The following GJD3 variants were observed in gnomAD, a reference collection of about 807,000 sequenced individuals.
GJD3 encodes gap junction protein delta 3, also known as gap junction delta-3 protein.
For missense variants in GJD3, 421 were observed against 448.5 expected (o/e 0.94, Z 0.55); for synonymous variants, 217 against 226.7 (o/e 0.96, Z 0.38).
Position 40,361,462 on chromosome 17 carries a change from G to T in GJD3, c.*1469C>A, listed in dbSNP as rs2034751286. 6.6e-6 allele frequency among the ~76,000 whole-genome samples: 1 copy of T among 152,198 alleles called. No homozygotes were observed. The highest frequency in any genetic ancestry group is 2.4e-5 in the African/African-American group (1 of 41,434). Reference sequence around the variant, plus strand: ...GGGGCACAGGAGAGCTGAGAAAGACGCCAGGAACTCAGAAGGACAGGGTGG... The same window carrying T: ...GGGGCACAGGAGAGCTGAGAAAGACTCCAGGAACTCAGAAGGACAGGGTGG... On this transcript the variant is annotated 3_prime_UTR_variant, in exon 1 of 1. Transcript: ENST00000578689.
Position 40,363,251 on chromosome 17 carries a change from C to A in GJD3, c.565G>T (p.Val189Phe). 1 of 1,442,276 alleles carries A rather than the reference C, an allele frequency of 6.9e-7. No homozygotes were observed. Among genetic ancestry groups the A allele is most frequent in the Non-Finnish European group, 9.1e-7 (1 of 1,095,824 alleles). 89.3% of individuals were successfully genotyped at this position (1,442,276 alleles called of 1,614,324 possible). The change falls in exon 1 of 1, where the codon GTC becomes TTC. Residue 189 changes from valine to phenylalanine, a missense_variant. Val to Phe is a conservative substitution (Grantham distance 50). Coordinates refer to ENST00000578689, the MANE Select transcript of GJD3 (RefSeq NM_152219.4). This position sits in a 1 kb window ranked among gnomAD's most constrained non-coding sequence, Gnocchi z 5.5. ...CFVSRPTEKTVFVLFYFAVGL... is the reference protein window; with the variant it reads ...CFVSRPTEKTFFVLFYFAVGL... Reference sequence around the variant, plus strand: ...ACCGCGAAATAGAAGAGCACGAAGACGGTCTTCTCGGTGGGCCGGCTCACG... The same window carrying A: ...ACCGCGAAATAGAAGAGCACGAAGAAGGTCTTCTCGGTGGGCCGGCTCACG...
rs1255757690 is a variant in GJD3, at chr17:40,362,539, T to C, written c.*392A>G. On this transcript the variant is annotated 3_prime_UTR_variant, in exon 1 of 1. Transcript: ENST00000578689. ...GCCCACAGGGGGACCACTCTCTCTC[T>C]GAACACAGAGAGTGCCTGAGAATGC... Among the ~76,000 whole-genome samples, 1 of 152,202 alleles carries C rather than the reference T, an allele frequency of 6.6e-6. No homozygotes were observed. The highest frequency in any genetic ancestry group is 1.5e-5 in the Non-Finnish European group (1 of 68,010).
chr17:40,363,693 G>T lies in GJD3; in HGVS notation c.123C>A (p.Gly41=). 1 of 1,609,574 alleles carries T rather than the reference G, an allele frequency of 6.2e-7. No individual in the cohort carries two copies. The highest frequency in any genetic ancestry group is 8.5e-7 in the Non-Finnish European group (1 of 1,179,110). Residue 41 remains glycine, a synonymous_variant, in exon 1 of 1, where the codon GGC becomes GGA. Coordinates refer to ENST00000578689, the MANE Select transcript of GJD3 (RefSeq NM_152219.4). The surrounding 1 kb of genome is among the most constrained non-coding windows in gnomAD (Gnocchi z 5.5). ...CTTGCTCGTCCTCGAACACGGCGCC[G>T]CCCACCGTGGCCAGCACCAGGATGC... ...IFRILVLATV[G]GAVFEDEQEE...
chr17:40,364,138 A>G lies in GJD3; in HGVS notation c.-323T>C. 1 of 267,674 alleles carries G rather than the reference A, an allele frequency of 3.7e-6. No homozygotes were observed. The highest frequency in any genetic ancestry group is 7.7e-6 in the Non-Finnish European group (1 of 129,774). 16.6% of individuals were successfully genotyped at this position (267,674 alleles called of 1,614,324 possible). Reference sequence around the variant, plus strand: ...GGGATCCTCCAGATCCCAGATTCTTAGGAAGGACCTTGGAGATCAGCTGGA... The same window carrying G: ...GGGATCCTCCAGATCCCAGATTCTTGGGAAGGACCTTGGAGATCAGCTGGA... On this transcript the variant is annotated 5_prime_UTR_variant, in exon 1 of 1. It removes the in-frame stop codon of an upstream open reading frame in the 5' UTR. Coordinates refer to ENST00000578689, the MANE Select transcript of GJD3 (RefSeq NM_152219.4).
At position 40,364,020 on chromosome 17, in the gene GJD3, A is replaced by G. The variant is rs2034779492; in HGVS notation, c.-205T>C. ...CGAGGGGAGCAGGCGACGCTCAGCTATGGGTTACCTTCTCTTTGGGACCGA... is the reference window on the plus strand; with the variant it reads ...CGAGGGGAGCAGGCGACGCTCAGCTGTGGGTTACCTTCTCTTTGGGACCGA... On this transcript the variant is annotated 5_prime_UTR_variant, in exon 1 of 1. Transcript: ENST00000578689. The G allele has an allele frequency of 3.1e-6, 2 of 646,426 alleles. No individual in the cohort carries two copies. Among genetic ancestry groups the G allele is most frequent in the Non-Finnish European group, 2.7e-6 (1 of 371,536 alleles). 40.0% of individuals were successfully genotyped at this position (646,426 alleles called of 1,614,324 possible). A position where few individuals can be genotyped will look rare whatever the true frequency, so the allele number is the denominator to read the frequency against.
In GJD3 at chr17:40,363,986, G is replaced by C; in HGVS notation, c.-171C>G. On this transcript the variant is annotated 5_prime_UTR_variant, in exon 1 of 1. Coordinates refer to ENST00000578689, the MANE Select transcript of GJD3 (RefSeq NM_152219.4). This position sits in a 1 kb window ranked among gnomAD's most constrained non-coding sequence, Gnocchi z 5.5. ...AGACCAGTATGAAACGGAGGGCCACGGGAGGGCCCGAGGGGAGCAGGCGAC... is the reference window on the plus strand; with the variant it reads ...AGACCAGTATGAAACGGAGGGCCACCGGAGGGCCCGAGGGGAGCAGGCGAC... 3.4e-6 allele frequency: 3 copies of C among 882,462 alleles called. No individual in the cohort carries two copies. The South Asian group carries it at 5.4e-5, about 16-fold the overall frequency. The allele number at this position is 882,462 out of a possible 1,614,324, so 54.7% of individuals were successfully genotyped here.
In GJD3 at chr17:40,362,936, T is replaced by G; in HGVS notation, c.880A>C (p.Ile294Leu). 8.1e-7 allele frequency: 1 copy of G among 1,237,870 alleles called. No homozygotes were observed. Among genetic ancestry groups the G allele is most frequent in the Non-Finnish European group, 1.0e-6 (1 of 988,180 alleles). The allele number at this position is 1,237,870 out of a possible 1,614,324, so 76.7% of individuals were successfully genotyped here. A position where few individuals can be genotyped will look rare whatever the true frequency, so the allele number is the denominator to read the frequency against. The change falls in exon 1 of 1, where the codon ATC becomes CTC. Residue 294 changes from isoleucine (I) to leucine (L), a missense_variant. Physicochemically the swap from Ile to Leu is conservative, Grantham distance 5 (BLOSUM62 2). Coordinates refer to ENST00000578689, the MANE Select transcript of GJD3 (RefSeq NM_152219.4). ...SPATGRRDLA[I>L] is the part of the protein sequence containing the mutation. ...GCGCGAGGCGGTGCCCGCCCCTAGA[T>G]GGCCAGATCTCGGCGGCCGGTGGCC...
Position 40,363,418 on chromosome 17 carries a change from CGCGCGCGGCGGGCGCGCAGG to C in GJD3, c.378_397del (p.Leu127ProfsTer91). 1 of 1,310,220 alleles carries C rather than the reference CGCGCGCGGCGGGCGCGCAGG, an allele frequency of 7.6e-7. No individual in the cohort carries two copies. The highest frequency in any genetic ancestry group is 9.7e-7 in the Non-Finnish European group (1 of 1,034,868). 81.2% of individuals were successfully genotyped at this position (1,310,220 alleles called of 1,614,324 possible). On this transcript the variant is annotated frameshift_variant, in exon 1 of 1. Transcript: ENST00000578689. LOFTEE classifies it low-confidence loss of function (END_TRUNC). The surrounding 1 kb of genome is among the most constrained non-coding windows in gnomAD (Gnocchi z 5.5). ...CGCCACGCTCAGCAGGTAGCAGCGGCGCGCGCGGCGGGCGCGCAGGGCGCACGGCGCGCACTGGGCCTCGG... is the reference window on the plus strand; with the variant it reads ...CGCCACGCTCAGCAGGTAGCAGCGGCGCGCACGGCGCGCACTGGGCCTCGG...
rs375797292 is a variant in GJD3 at position 40,363,668 on chromosome 17, C to T, written c.148G>A (p.Glu50Lys). ...VGGAVFEDEQEEFVCNTLQPG... is the reference protein window; with the variant it reads ...VGGAVFEDEQKEFVCNTLQPG... ...TGCAGCGTGTTGCACACGAACTCCT[C>T]TTGCTCGTCCTCGAACACGGCGCCG... is the stretch of plus-strand genomic sequence containing the variant. Residue 50 changes from glutamate (E) to lysine (K), a missense_variant, in exon 1 of 1, where the codon GAG (glutamate) becomes AAG (lysine). Glu to Lys is a moderately conservative substitution (Grantham distance 56). Coordinates refer to ENST00000578689, the MANE Select transcript of GJD3 (RefSeq NM_152219.4). The surrounding 1 kb of genome is among the most constrained non-coding windows in gnomAD (Gnocchi z 5.5). 3 of 1,609,074 alleles carry T rather than the reference C, an allele frequency of 1.9e-6. No individual in the cohort carries two copies. The highest frequency in any genetic ancestry group is 2.7e-5 in the African/African-American group (2 of 74,874).
rs762832954 is a variant in GJD3 at position 40,363,614 on chromosome 17, G to C, written c.202C>G (p.Arg68Gly). 5.0e-5 allele frequency: 80 copies of C among 1,602,388 alleles called. No homozygotes were observed. The highest frequency in any genetic ancestry group is 6.6e-5 in the Non-Finnish European group (77 of 1,175,360). The change falls in exon 1 of 1, where the codon CGC (arginine) becomes GGC (glycine). Residue 68 changes from arginine (R) to glycine (G), a missense_variant. By Grantham distance (125) the Arg-to-Gly change is moderately radical (BLOSUM62 -2). Coordinates refer to ENST00000578689, the MANE Select transcript of GJD3 (RefSeq NM_152219.4). The surrounding 1 kb of genome is among the most constrained non-coding windows in gnomAD (Gnocchi z 5.5). ...QPGCRQTCYD[R>G]AFPVSHYRFW... is the part of the protein sequence containing the mutation. ...CGGTAGTGGGAGACCGGGAAGGCGCGGTCGTAGCAGGTCTGGCGACAGCCC... is the reference window on the plus strand; with the variant it reads ...CGGTAGTGGGAGACCGGGAAGGCGCCGTCGTAGCAGGTCTGGCGACAGCCC...
Position 40,363,073 on chromosome 17 carries a change from G to A in GJD3, c.743C>T (p.Pro248Leu), listed in dbSNP as rs551057131. 1.2e-5 allele frequency: 15 copies of A among 1,260,730 alleles called. 1 individual carries two copies. In the South Asian group the frequency reaches 4.0e-4, roughly 33 times the overall value. 78.1% of individuals were successfully genotyped at this position (1,260,730 alleles called of 1,614,324 possible). A position where few individuals can be genotyped will look rare whatever the true frequency, so the allele number is the denominator to read the frequency against. The change falls in exon 1 of 1, where the codon CCG becomes CTG. Residue 248 changes from proline (P) to leucine (L), a missense_variant. By Grantham distance (98) the Pro-to-Leu change is moderately conservative. Transcript: ENST00000578689. This position sits in a 1 kb window ranked among gnomAD's most constrained non-coding sequence, Gnocchi z 5.5. ...LPPPPPPPPP[P>L]ALPSRRPGPE... ...GCCGGGGCGCCGGGAGGGCAGGGCC[G>A]GTGGCGGAGGTGGCGGCGGCGGCGG... is the stretch of plus-strand genomic sequence containing the variant.
At position 40,363,902 on chromosome 17, in the gene GJD3, T is replaced by A; in HGVS notation, c.-87A>T. On this transcript the variant is annotated 5_prime_UTR_variant, in exon 1 of 1. Transcript: ENST00000578689. This position sits in a 1 kb window ranked among gnomAD's most constrained non-coding sequence, Gnocchi z 5.5. Reference sequence around the variant, plus strand: ...CCAAGCCTATCGGGGTGGGGTCCGTTGGACCTTCTCTGACTTCAGGGTGAG... The same window carrying A: ...CCAAGCCTATCGGGGTGGGGTCCGTAGGACCTTCTCTGACTTCAGGGTGAG... 1 of 1,472,794 alleles carries A rather than the reference T, an allele frequency of 6.8e-7. No homozygotes were observed. The highest frequency in any genetic ancestry group is 9.0e-7 in the Non-Finnish European group (1 of 1,107,490). The allele number at this position is 1,472,794 out of a possible 1,614,324, so 91.2% of individuals were successfully genotyped here. A position where few individuals can be genotyped will look rare whatever the true frequency, so the allele number is the denominator to read the frequency against.
In GJD3 at chr17:40,362,608, C is replaced by T. The variant is rs1400109289; in HGVS notation, c.*323G>A. On this transcript the variant is annotated 3_prime_UTR_variant, in exon 1 of 1. Coordinates refer to ENST00000578689, the MANE Select transcript of GJD3 (RefSeq NM_152219.4). ...TGTCCCCAGTAAAACAACCACTCTC[C>T]ACCTTCCGCTCTGTTCTCCCCCTCG... Among the ~76,000 whole-genome samples the T allele has an allele frequency of 6.6e-6, 1 of 152,274 alleles. No homozygotes were observed. The highest frequency in any genetic ancestry group is 1.5e-5 in the Non-Finnish European group (1 of 68,038).
rs1022755413 is a variant in GJD3 at position 40,363,953 on chromosome 17, T to C, written c.-138A>G. 1 of 1,200,548 alleles carries C rather than the reference T, an allele frequency of 8.3e-7. No homozygotes were observed. The highest frequency in any genetic ancestry group is 1.2e-6 in the Non-Finnish European group (1 of 869,534). The allele number at this position is 1,200,548 out of a possible 1,614,324, so 74.4% of individuals were successfully genotyped here. A position where few individuals can be genotyped will look rare whatever the true frequency, so the allele number is the denominator to read the frequency against. ...TCGTGAGGTAGGAGAGGCCCGGGTT[T>C]AGCGATGAGACCAGTATGAAACGGA... On this transcript the variant is annotated 5_prime_UTR_variant, in exon 1 of 1. Transcript: ENST00000578689. The surrounding 1 kb of genome is among the most constrained non-coding windows in gnomAD (Gnocchi z 5.5).
chr17:40,363,957 G>C lies in GJD3; in HGVS notation c.-142C>G. 8.5e-7 allele frequency: 1 copy of C among 1,170,708 alleles called. No homozygotes were observed. The highest frequency in any genetic ancestry group is 1.2e-6 in the Non-Finnish European group (1 of 842,362). 72.5% of individuals were successfully genotyped at this position (1,170,708 alleles called of 1,614,324 possible). A position where few individuals can be genotyped will look rare whatever the true frequency, so the allele number is the denominator to read the frequency against. ...GAGGTAGGAGAGGCCCGGGTTTAGCGATGAGACCAGTATGAAACGGAGGGC... is the reference window on the plus strand; with the variant it reads ...GAGGTAGGAGAGGCCCGGGTTTAGCCATGAGACCAGTATGAAACGGAGGGC... On this transcript the variant is annotated 5_prime_UTR_variant, in exon 1 of 1. In the 5' UTR this introduces an upstream ATG that the reference lacks. Coordinates refer to ENST00000578689, the MANE Select transcript of GJD3 (RefSeq NM_152219.4). The surrounding 1 kb of genome is among the most constrained non-coding windows in gnomAD (Gnocchi z 5.5).
rs569062633 is a variant in GJD3 at position 40,361,410 on chromosome 17, A to G, written c.*1521T>C. 6.6e-6 allele frequency among the ~76,000 whole-genome samples: 1 copy of G among 152,168 alleles called. No individual in the cohort carries two copies. Among genetic ancestry groups the G allele is most frequent in the South Asian group, 2.1e-4 (1 of 4,828 alleles). ...GTCCCGGGTTTAAGTGGGGGGCGCT[A>G]TTCAGAAACACCTCCCACTGCTGTG... On this transcript the variant is annotated 3_prime_UTR_variant, in exon 1 of 1. Coordinates refer to ENST00000578689, the MANE Select transcript of GJD3 (RefSeq NM_152219.4).
chr17:40,363,421 G>GCGCGGCGGGCGCGCAGGGCGCA lies in GJD3; in HGVS notation c.373_394dup (p.Ala132ValfsTer100). 3.1e-6 allele frequency: 4 copies of GCGCGGCGGGCGCGCAGGGCGCA among 1,306,668 alleles called. No individual in the cohort carries two copies. The highest frequency in any genetic ancestry group is 3.9e-6 in the Non-Finnish European group (4 of 1,032,920). 80.9% of individuals were successfully genotyped at this position (1,306,668 alleles called of 1,614,324 possible). A position where few individuals can be genotyped will look rare whatever the true frequency, so the allele number is the denominator to read the frequency against. On this transcript the variant is annotated frameshift_variant, in exon 1 of 1. Transcript: ENST00000578689. LOFTEE classifies it low-confidence loss of function (END_TRUNC). The surrounding 1 kb of genome is among the most constrained non-coding windows in gnomAD (Gnocchi z 5.5). ...CACGCTCAGCAGGTAGCAGCGGCGC[G>GCGCGGCGGGCGCGCAGGGCGCA]CGCGGCGGGCGCGCAGGGCGCACGG...
Position 40,363,626 on chromosome 17 carries a change from T to C in GJD3, c.190A>G (p.Thr64Ala), listed in dbSNP as rs372890776. ...ACCGGGAAGGCGCGGTCGTAGCAGG[T>C]CTGGCGACAGCCCGGCTGCAGCGTG... ...CNTLQPGCRQ[T>A]CYDRAFPVSH... The change falls in exon 1 of 1, where the codon ACC becomes GCC. Residue 64 changes from threonine to alanine, a missense_variant. Thr to Ala is a moderately conservative substitution (Grantham distance 58). Transcript: ENST00000578689. The surrounding 1 kb of genome is among the most constrained non-coding windows in gnomAD (Gnocchi z 5.5). 4 of 1,604,730 alleles carry C rather than the reference T, an allele frequency of 2.5e-6. No homozygotes were observed. The highest frequency in any genetic ancestry group is 3.4e-6 in the Non-Finnish European group (4 of 1,176,362).
At position 40,363,427 on chromosome 17, in the gene GJD3, CG is replaced by C; in HGVS notation, c.388del (p.Arg130AlafsTer9). ...AQCAPCALRA[R>X]RARRCYLLSV... ...CAGCAGGTAGCAGCGGCGCGCGCGG[CG>C]GGCGCGCAGGGCGCACGGCGCGCAC... is the stretch of plus-strand genomic sequence containing the variant. On this transcript the variant is annotated frameshift_variant, in exon 1 of 1. Transcript: ENST00000578689. LOFTEE classifies it low-confidence loss of function (END_TRUNC). This position sits in a 1 kb window ranked among gnomAD's most constrained non-coding sequence, Gnocchi z 5.5. 1 of 1,306,280 alleles carries C rather than the reference CG, an allele frequency of 7.7e-7. No homozygotes were observed. The highest frequency in any genetic ancestry group is 9.7e-7 in the Non-Finnish European group (1 of 1,032,502). The allele number at this position is 1,306,280 out of a possible 1,614,324, so 80.9% of individuals were successfully genotyped here.
Sources: gnomAD v4.1 joint callset for allele counts (sites outside exome capture counted in the v4.1 genomes callset) on GRCh38, gnomAD v4.1.1 for gene constraint, Gnocchi (gnomAD v3.1) non-coding constraint, MANE v1.5 for transcripts, NCBI Gene and HGNC (gene_info 2026-07-23, HGNC 2026-07-21) for gene names.